Variants in RYR2 observed in about 807,000 individuals in gnomAD.
The protein encoded by RYR2 is ryanodine receptor 2.
Under a neutral mutation model 601.1 loss-of-function variants are expected in RYR2, and 227 were observed. The ratio of observed to expected loss-of-function variants is 0.38; its 90% CI spans 0.34 to 0.42. The LOEUF (loss-of-function observed/expected upper bound fraction) is 0.42. Ranked by LOEUF, RYR2 falls within the 10% of genes least tolerant of loss-of-function variation. The probability of loss-of-function intolerance (pLI) is 1.00; values close to 1 mark genes in which losing one functional copy is unlikely to be tolerated. For missense variants in RYR2, 4,646 were observed against 6,156.5 expected (o/e 0.75, Z 8.21); for synonymous variants, 2,223 against 2,175.1 (o/e 1.02, Z -0.61).
chr1:237,831,656 C>A, intron 104 of RYR2, 91 bp downstream of exon 104: 2 of 735,402 alleles, frequency 2.7e-6, no homozygotes, highest in Non-Finnish European at 4.6e-6. Context: ...CAGTGAGGCA[C>A]GGAATTACTT....
intron 80 of RYR2, among the ~76,000 whole-genome samples, chr1:237,753,317 T>C (rs1692687251): frequency 1.3e-5 from 2 of 152,254 alleles, no homozygotes; most frequent in East Asian, 3.8e-4. Context: ...ATAAGACAAG[T>C]TGTCGAAGAA....
chr1:237,692,727 A>G (rs759496064), intron 63 of RYR2, among the ~76,000 whole-genome samples: 7 of 152,110 alleles, frequency 4.6e-5, no homozygotes, highest in Non-Finnish European at 1.0e-4. Context: ...CTCATAACAA[A>G]CTATCCATCC....
intron 1 of RYR2, among the ~76,000 whole-genome samples, chr1:237,258,133 A>G (rs890169136): frequency 1.3e-4 from 20 of 148,806 alleles, no homozygotes; most frequent in Non-Finnish European, 2.4e-4. Flanking sequence ...GTGCCATTGC[A>G]CTCCAGCCTG....
intron 82 of RYR2, among the ~76,000 whole-genome samples, chr1:237,758,613 T>G (rs1693154945): frequency 6.6e-6 from 1 of 152,230 alleles, no homozygotes; most frequent in Admixed American, 6.5e-5. Context: ...CTTTACATAT[T>G]TAGTTTGTAT....
chr1:237,735,601 G>A (rs913096457), intron 79 of RYR2, among the ~76,000 whole-genome samples: 7 of 152,182 alleles, frequency 4.6e-5, no homozygotes, highest in Admixed American at 2.0e-4. Flanking sequence ...ACATTTACCC[G>A]GTACAGTCAT....
intron 10 of RYR2, among the ~76,000 whole-genome samples, chr1:237,389,639 G>A (rs993074088): frequency 6.6e-6 from 1 of 152,216 alleles, no homozygotes; most frequent in Admixed American, 6.5e-5. Context: ...CACAGGCTGT[G>A]AGAGAAGGTA....
intron 8 of RYR2, among the ~76,000 whole-genome samples, chr1:237,382,443 T>G (rs887990599): frequency 1.3e-5 from 2 of 152,152 alleles, no homozygotes; most frequent in African/African-American, 4.8e-5. Flanking sequence ...TTGTTACATA[T>G]GTATACATGT....
At chr1:237,081,923 G>C (rs1209662560) in intron 1 of RYR2, among the ~76,000 whole-genome samples, 1 of 152,172 alleles carries the variant, frequency 6.6e-6, no homozygotes, top group East Asian at 1.9e-4. Context: ...GGAGGCAGGA[G>C]ACATCAGCAC....
intron 7 of RYR2, among the ~76,000 whole-genome samples, 160 bp from the exon 8 acceptor site, chr1:237,377,163 T>C (rs1701108256): frequency 6.6e-6 from 1 of 152,248 alleles, no homozygotes; most frequent in African/African-American, 2.4e-5. Context: ...TCTTATTTTA[T>C]CCTAAGCTAA....
intron 1 of RYR2, among the ~76,000 whole-genome samples, chr1:237,164,876 G>C (rs1676485534): frequency 6.6e-6 from 1 of 151,928 alleles, no homozygotes; most frequent in Non-Finnish European, 1.5e-5. Context: ...TACCTATTCT[G>C]ATATATTTAA....
Position 237,678,117 on chromosome 1 carries a change from A to C in RYR2, c.8895+5A>C. The C allele has an allele frequency of 6.5e-7, 1 of 1,538,646 alleles. No homozygotes were observed. Among genetic ancestry groups the C allele is most frequent in the Non-Finnish European group, 9.0e-7 (1 of 1,114,576 alleles). On this transcript the variant is annotated splice_donor_5th_base_variant and intron_variant, in intron 61 of 104. Transcript: ENST00000366574. ...GAAATCAAGTTCTTTGCAAAAGTAC[A>C]GTATACAATCTATCTTGTTTTTGCT...
intron 15 of RYR2, 31 bp from the exon 16 acceptor site, chr1:237,456,569 A>G (rs1327743960): frequency 1.4e-6 from 2 of 1,424,482 alleles, no homozygotes; most frequent in Non-Finnish European, 1.8e-6. Flanking sequence ...TGGATGTCTG[A>G]TTGTGATTTT....
chr1:237,537,917 G>A (rs951787458), intron 25 of RYR2, among the ~76,000 whole-genome samples: 4 of 152,106 alleles, frequency 2.6e-5, no homozygotes, highest in African/African-American at 9.7e-5. Flanking sequence ...GGAGGGGATT[G>A]GAATTGAGGT....
intron 91 of RYR2, among the ~76,000 whole-genome samples, chr1:237,787,740 C>G (rs1657816159): frequency 6.6e-6 from 1 of 151,422 alleles, no homozygotes; most frequent in African/African-American, 2.4e-5. Flanking sequence ...CATAAAGATT[C>G]TTCAAGCCTA....
chr1:237,144,021 C>T (rs1673690897), intron 1 of RYR2, among the ~76,000 whole-genome samples: 1 of 151,698 alleles, frequency 6.6e-6, no homozygotes, highest in Non-Finnish European at 1.5e-5. Flanking sequence ...CCCAGCTACT[C>T]AGGAGGCTGA....
chr1:237,578,568 A>G (rs1673525772), intron 29 of RYR2, among the ~76,000 whole-genome samples: 1 of 152,196 alleles, frequency 6.6e-6, no homozygotes, highest in Non-Finnish European at 1.5e-5. Context: ...ACACAAGAGA[A>G]TTTCTTTCAA....
At position 237,655,992 on chromosome 1, in the gene RYR2, C is replaced by T; in HGVS notation, c.8129+8C>T. On this transcript the variant is annotated splice_region_variant and intron_variant, in intron 53 of 104. Transcript: ENST00000366574. Reference sequence around the variant, plus strand: ...ACCTGTTGATACCTCAAAGTATGGACTCTTTCTATTGCAGCAGATTTTTAT... The same window carrying T: ...ACCTGTTGATACCTCAAAGTATGGATTCTTTCTATTGCAGCAGATTTTTAT... 1 of 1,611,506 alleles carries T rather than the reference C, an allele frequency of 6.2e-7. No individual in the cohort carries two copies. The highest frequency in any genetic ancestry group is 8.5e-7 in the Non-Finnish European group (1 of 1,178,806).
Position 237,831,566 on chromosome 1 carries a change from G to A in RYR2, c.14808+1G>A. On this transcript the variant is annotated splice_donor_variant, in intron 104 of 104. Coordinates refer to ENST00000366574, the MANE Select transcript of RYR2 (RefSeq NM_001035.3). LOFTEE classifies it high-confidence loss of function. The stretch of plus-strand genomic sequence containing the variant: ...AGATGAAACAGAACACACAGGACAG[G>A]TAGGTAAATTATTACATGTCATCTT... 6.5e-7 allele frequency: 1 copy of A among 1,538,442 alleles called. No homozygotes were observed. The highest frequency in any genetic ancestry group is 8.9e-7 in the Non-Finnish European group (1 of 1,119,778).
chr1:237,699,797 G>A (rs1687801738), intron 64 of RYR2, among the ~76,000 whole-genome samples: 1 of 152,184 alleles, frequency 6.6e-6, no homozygotes, highest in South Asian at 2.1e-4. Flanking sequence ...AGACTTGATT[G>A]CTACACCTTA....
Sources: allele counts gnomAD v4.1 joint callset (sites outside exome capture counted in the v4.1 genomes callset), GRCh38; gene constraint gnomAD v4.1.1; transcripts MANE v1.5; gene names NCBI Gene and HGNC (gene_info 2026-07-23, HGNC 2026-07-21).